The following LRRC28 variants were observed in gnomAD, a reference collection of about 807,000 sequenced individuals.
The protein encoded by LRRC28 is leucine rich repeat containing 28, also known as leucine-rich repeat-containing protein 28.
LRRC28 carries 39 observed loss-of-function variants against 45.7 expected under a neutral mutation model. That is an observed-to-expected ratio of 0.85 (90% CI 0.66 to 1.12). The LOEUF (loss-of-function observed/expected upper bound fraction) is 1.12, where lower values mean the gene tolerates loss of function less well. Among genes scored for constraint, LRRC28 ranks in the 50% most tolerant of loss-of-function variants. LRRC28 has a pLI of 0.00. For synonymous variants in LRRC28, 206 were observed against 178.8 expected, an observed-to-expected ratio of 1.15 and a Z score of -1.22; for missense variants, 435 against 438.5, an observed-to-expected ratio of 0.99 and a Z score of 0.07.
intron 3 of LRRC28, chr15:99,285,022 C>T: frequency 4.6e-6 from 3 of 650,050 alleles, no homozygotes; most frequent in Non-Finnish European, 8.7e-6. Flanking sequence ...GAAGCACTAG[C>T]CATCTCTTGG....
At chr15:99,298,137 C>A (rs2082312864) in intron 5 of LRRC28, among the ~76,000 whole-genome samples, 1 of 152,106 alleles carries the variant, frequency 6.6e-6, no homozygotes, top group Non-Finnish European at 1.5e-5. Context: ...CGTTGAGCTC[C>A]TTTCCAGGGT....
chr15:99,287,214 G>C, intron 3 of LRRC28, 43 bp from the exon 4 acceptor site: 1 of 1,501,784 alleles, frequency 6.7e-7, no homozygotes, highest in Non-Finnish European at 9.0e-7. Context: ...TCTGGCAAAA[G>C]TACTTAATGA....
intron 5 of LRRC28, among the ~76,000 whole-genome samples, chr15:99,319,659 G>T (rs1308288917): frequency 1.3e-4 from 19 of 148,212 alleles, no homozygotes; most frequent in African/African-American, 4.2e-4. Flanking sequence ...AAACAGTGTG[G>T]TTTTTTTTTT....
intron 7 of LRRC28, among the ~76,000 whole-genome samples, chr15:99,354,338 T>C (rs560714470): frequency 6.6e-6 from 1 of 152,312 alleles, no homozygotes; most frequent in Admixed American, 6.5e-5. Context: ...CTACTGAAGC[T>C]TTGACAACAA....
chr15:99,281,309 T>C (rs1312414803), intron 3 of LRRC28, among the ~76,000 whole-genome samples: 1 of 152,146 alleles, frequency 6.6e-6, no homozygotes, highest in Non-Finnish European at 1.5e-5. Flanking sequence ...TGGAGTGTTG[T>C]GATGCAATCA....
chr15:99,381,849 ATTGCTGAACAGCAAATG>A (rs1281009206), intron 9 of LRRC28, among the ~76,000 whole-genome samples: 2 of 152,218 alleles, frequency 1.3e-5, no homozygotes, highest in Non-Finnish European at 2.9e-5. Flanking sequence ...AACAGCAAAT[ATTGCTGAACAGCAAATG>A]TTGCTGCCTG....
intron 7 of LRRC28, among the ~76,000 whole-genome samples, chr15:99,354,235 TA>T (rs1956978269): frequency 6.6e-6 from 1 of 152,204 alleles, no homozygotes; most frequent in Non-Finnish European, 1.5e-5. Flanking sequence ...GCAAACTCAT[TA>T]AAGAGTCATT....
At position 99,384,059 on chromosome 15, in the gene LRRC28, C is replaced by T. The variant is rs533955915; in HGVS notation, c.1032-1971C>T. Among the ~76,000 whole-genome samples the T allele has an allele frequency of 9.2e-5, 14 of 152,306 alleles. No homozygotes were observed. The South Asian group carries it at 2.9e-3, about 32-fold the overall frequency. On this transcript the variant is annotated intron_variant, in intron 9 of 9. Transcript: ENST00000301981. ...TCCTGCTAATATAATTTGACAAGATCCTGCAACTCCATCAGCGTGTATGTG... is the reference window on the plus strand; with the variant it reads ...TCCTGCTAATATAATTTGACAAGATTCTGCAACTCCATCAGCGTGTATGTG...
intron 2 of LRRC28, among the ~76,000 whole-genome samples, chr15:99,266,512 T>C (rs561861953): frequency 6.6e-6 from 1 of 152,170 alleles, no homozygotes; most frequent in African/African-American, 2.4e-5. Context: ...GGATAATTAA[T>C]ACCCAGTGTT....
At chr15:99,353,086 T>C (rs528983275) in intron 7 of LRRC28, among the ~76,000 whole-genome samples, 1 of 152,328 alleles carries the variant, frequency 6.6e-6, no homozygotes, top group South Asian at 2.1e-4. Flanking sequence ...TTTAGAAAGA[T>C]GGCTTCATCT....
At chr15:99,270,554 C>A (rs1171505736) in intron 2 of LRRC28, among the ~76,000 whole-genome samples, 1 of 151,466 alleles carries the variant, frequency 6.6e-6, no homozygotes, top group Non-Finnish European at 1.5e-5. Flanking sequence ...TGGCTTCTTT[C>A]ACTTAGCAAA....
chr15:99,299,452 A>G (rs746801743), intron 5 of LRRC28, among the ~76,000 whole-genome samples: 21 of 152,300 alleles, frequency 1.4e-4, no homozygotes, highest in South Asian at 6.2e-4. Context: ...GGTACACATA[A>G]TATAGATACC....
chr15:99,308,463 C>T (rs1955271918), intron 5 of LRRC28, among the ~76,000 whole-genome samples: 1 of 152,072 alleles, frequency 6.6e-6, no homozygotes, highest in Non-Finnish European at 1.5e-5. Context: ...GCTAGGAGTT[C>T]AAGACCAGTC....
chr15:99,309,031 A>T (rs1446253694), intron 5 of LRRC28, among the ~76,000 whole-genome samples: 1 of 152,216 alleles, frequency 6.6e-6, no homozygotes, highest in Non-Finnish European at 1.5e-5. Flanking sequence ...TTAGATATAT[A>T]AACTTAGCAG....
At chr15:99,367,587 G>A (rs938332066) in intron 9 of LRRC28, among the ~76,000 whole-genome samples, 1 of 152,052 alleles carries the variant, frequency 6.6e-6, no homozygotes, top group African/African-American at 2.4e-5. Context: ...TTGTCATATT[G>A]GCAATTAAAT....
chr15:99,376,860 C>T (rs1428231533), intron 9 of LRRC28, among the ~76,000 whole-genome samples: 2 of 152,182 alleles, frequency 1.3e-5, no homozygotes, highest in African/African-American at 4.8e-5. Flanking sequence ...CATGGCCCTA[C>T]AAAGGACATG....
intron 6 of LRRC28, among the ~76,000 whole-genome samples, chr15:99,335,673 AT>A (rs111617321): frequency 4.6e-5 from 7 of 151,430 alleles, no homozygotes; most frequent in African/African-American, 1.2e-4. Flanking sequence ...GTCTCTAAAA[AT>A]TTTTTTTTAC....
intron 5 of LRRC28, among the ~76,000 whole-genome samples, chr15:99,313,572 C>T (rs1404023982): frequency 6.6e-6 from 1 of 152,094 alleles, no homozygotes; most frequent in African/African-American, 2.4e-5. Flanking sequence ...GAACTTGATT[C>T]CTTCCTGTTA....
At chr15:99,329,315 A>G (rs1298484250) in intron 5 of LRRC28, among the ~76,000 whole-genome samples, 2 of 152,224 alleles carry the variant, frequency 1.3e-5, no homozygotes, top group Non-Finnish European at 2.9e-5. Context: ...GTAGAACACA[A>G]CCACCCTCCA....
Sources: allele counts gnomAD v4.1 joint callset (sites outside exome capture counted in the v4.1 genomes callset), GRCh38; gene constraint gnomAD v4.1.1; transcripts MANE v1.5; gene names NCBI Gene and HGNC (gene_info 2026-07-23, HGNC 2026-07-21).